Variants in TRAPPC10 observed in about 807,000 individuals in gnomAD.
TRAPPC10 encodes TRAPP 130 kDa subunit.
A neutral mutation model predicts 125.5 loss-of-function variants in TRAPPC10; 23 were observed. The ratio of observed to expected loss-of-function variants is 0.18; its 90% CI spans 0.13 to 0.26. The LOEUF (loss-of-function observed/expected upper bound fraction) is 0.26, where lower values mean the gene tolerates loss of function less well. Among genes scored for constraint, TRAPPC10 ranks in the 10% least tolerant of loss-of-function variants. The pLI, the probability that TRAPPC10 is intolerant of heterozygous loss-of-function variation, is 1.00. For synonymous variants in TRAPPC10, 509 were observed against 518.0 expected (o/e 0.98, Z 0.24); for missense variants, 1,123 against 1,308.4 (o/e 0.86, Z 2.19).
chr21:44,068,680 AGCCTCC>A (rs2036632211), intron 7 of TRAPPC10, among the ~76,000 whole-genome samples: 1 of 152,048 alleles, frequency 6.6e-6, no homozygotes, highest in Non-Finnish European at 1.5e-5. Flanking sequence ...GGCTCATTGT[AGCCTCC>A]GCCTCCAGGG....
At chr21:44,055,473 C>T (rs2035515312) in intron 4 of TRAPPC10, among the ~76,000 whole-genome samples, 2 of 151,890 alleles carry the variant, frequency 1.3e-5, no homozygotes, top group African/African-American at 4.8e-5. Context: ...TGCCTGTGAT[C>T]CCAGCTACTG....
rs117319046 is a variant in TRAPPC10, at chr21:44,059,701, C to G, written c.790+487C>G. On this transcript the variant is annotated intron_variant, in intron 6 of 22. Coordinates refer to ENST00000291574, the MANE Select transcript of TRAPPC10 (RefSeq NM_003274.5). This position sits in a 1 kb window ranked among gnomAD's most constrained non-coding sequence, Gnocchi z 4.4. ...AGAATTAGCACAGTGAAACCATACACAGAGAGAAACATTGGTTATTGTCCT... is the reference window on the plus strand; with the variant it reads ...AGAATTAGCACAGTGAAACCATACAGAGAGAGAAACATTGGTTATTGTCCT... 1.8e-5 allele frequency: 9 copies of G among 510,330 alleles called. No individual in the cohort carries two copies. Among genetic ancestry groups the G allele is most frequent in the Non-Finnish European group, 3.1e-5 (9 of 286,390 alleles). 31.6% of individuals were successfully genotyped at this position (510,330 alleles called of 1,614,324 possible).
Position 44,083,213 on chromosome 21 carries a change from G to C in TRAPPC10, c.2149G>C (p.Gly717Arg). Residue 717 changes from glycine to arginine, a missense_variant, in exon 14 of 23, where the codon GGG becomes CGG. Around this residue, in one of 4 missense-constraint regions of TRAPPC10, gnomAD observed 840 missense variants for 902.0 expected, o/e 0.93. Transcript: ENST00000291574. ...CAGCTCCTCTCTAGAGATGCCCTCA[G>C]GGGTGGCTCTGGAGGAGGGTGCCCA... is the stretch of plus-strand genomic sequence containing the variant. ...ESSSSLEMPSGVALEEGAHVL... is the reference protein window; with the variant it reads ...ESSSSLEMPSRVALEEGAHVL... The C allele has an allele frequency of 6.2e-7, 1 of 1,614,164 alleles. No homozygotes were observed. The highest frequency in any genetic ancestry group is 8.5e-7 in the Non-Finnish European group (1 of 1,180,010).
intron 2 of TRAPPC10, among the ~76,000 whole-genome samples, chr21:44,034,166 AGAG>A (rs2033804178): frequency 6.6e-6 from 1 of 152,156 alleles, no homozygotes; most frequent in East Asian, 1.9e-4. Flanking sequence ...TGGCTCCATA[AGAG>A]GAGGGGAATT....
At position 44,012,570 on chromosome 21, in the gene TRAPPC10, C is replaced by G; in HGVS notation, c.67+10C>G. 1 of 1,532,874 alleles carries G rather than the reference C, an allele frequency of 6.5e-7. No homozygotes were observed. The highest frequency in any genetic ancestry group is 1.2e-5 in the South Asian group (1 of 83,262). The allele number at this position is 1,532,874 out of a possible 1,614,324, so 95.0% of individuals were successfully genotyped here. A position where few individuals can be genotyped will look rare whatever the true frequency, so the allele number is the denominator to read the frequency against. Reference sequence around the variant, plus strand: ...AAGCCCATCGTCACCTGTGAGTGCCCGGAGGCGGGGAGGGCGCGGCGGTCG... The same window carrying G: ...AAGCCCATCGTCACCTGTGAGTGCCGGGAGGCGGGGAGGGCGCGGCGGTCG... On this transcript the variant is annotated intron_variant, in intron 1 of 22. Coordinates refer to ENST00000291574, the MANE Select transcript of TRAPPC10 (RefSeq NM_003274.5).
intron 1 of TRAPPC10, among the ~76,000 whole-genome samples, chr21:44,016,877 C>T (rs973847757): frequency 6.6e-6 from 1 of 152,120 alleles, no homozygotes; most frequent in African/African-American, 2.4e-5. Context: ...CCAGGATGGT[C>T]TTGATCTGAC....
At position 44,063,632 on chromosome 21, in the gene TRAPPC10, G is replaced by A. The variant is rs778702015; in HGVS notation, c.885G>A (p.Ser295=). 5.0e-6 allele frequency: 8 copies of A among 1,614,188 alleles called. No homozygotes were observed. Among genetic ancestry groups the A allele is most frequent in the Non-Finnish European group, 6.8e-6 (8 of 1,180,034 alleles). Reference sequence around the variant, plus strand: ...CCATAGATATGGAGAAGCGGGAATCGATCCAGAGGCGAGAAGCCACCCTGT... The same window carrying A: ...CCATAGATATGGAGAAGCGGGAATCAATCCAGAGGCGAGAAGCCACCCTGT... ...RKPIDMEKRE[S]IQRREATLLD... Residue 295 remains serine, a synonymous_variant, in exon 7 of 23, where the codon TCG becomes TCA. Coordinates refer to ENST00000291574, the MANE Select transcript of TRAPPC10 (RefSeq NM_003274.5). The surrounding 1 kb of genome is among the most constrained non-coding windows in gnomAD (Gnocchi z 4.4).
intron 7 of TRAPPC10, among the ~76,000 whole-genome samples, chr21:44,073,982 T>A (rs543728132): frequency 4.2e-5 from 6 of 143,872 alleles, no homozygotes; most frequent in African/African-American, 1.4e-4. Context: ...TTTCCTTTTT[T>A]TAAAAAAAAA....
chr21:44,066,689 A>T (rs1345040170), intron 7 of TRAPPC10, among the ~76,000 whole-genome samples: 1 of 152,154 alleles, frequency 6.6e-6, no homozygotes, highest in Non-Finnish European at 1.5e-5. Context: ...GATGAACTGC[A>T]GTTATTTCCT....
chr21:44,093,925 C>T, intron 19 of TRAPPC10, 138 bp from the exon 20 acceptor site: 2 of 821,100 alleles, frequency 2.4e-6, no homozygotes, highest in Non-Finnish European at 3.8e-6. Context: ...AAGCAGCATG[C>T]ATAGGCGTGC....
chr21:44,077,550 G>T (rs1257213268), intron 10 of TRAPPC10, 143 bp from the exon 11 acceptor site: 4 of 526,646 alleles, frequency 7.6e-6, no homozygotes, highest in Admixed American at 3.5e-5. Context: ...TCACCGCTGT[G>T]CTCCAGCCTG....
intron 13 of TRAPPC10, among the ~76,000 whole-genome samples, chr21:44,081,237 T>C (rs1478507927): frequency 6.6e-6 from 1 of 152,022 alleles, no homozygotes; most frequent in Non-Finnish European, 1.5e-5. Flanking sequence ...TGTAGCCCAC[T>C]GCAACCTCTG....
Position 44,052,434 on chromosome 21 carries a change from T to C in TRAPPC10, c.440T>C (p.Val147Ala). The C allele has an allele frequency of 2.5e-6, 4 of 1,604,856 alleles. No homozygotes were observed. The highest frequency in any genetic ancestry group is 3.4e-6 in the Non-Finnish European group (4 of 1,177,834). ...AACATCCTTCCCCGAACCTCTATTGTGGACAAAATAAGAAATGATTTTTGT... is the reference window on the plus strand; with the variant it reads ...AACATCCTTCCCCGAACCTCTATTGCGGACAAAATAAGAAATGATTTTTGT... The part of the protein sequence containing the change: ...KTNILPRTSI[V>A]DKIRNDFCNK... Residue 147 changes from valine (V) to alanine (A), a missense_variant, in exon 4 of 23, where the codon GTG (valine) becomes GCG (alanine). By Grantham distance (64) the Val-to-Ala change is moderately conservative (BLOSUM62 0). Coordinates refer to ENST00000291574, the MANE Select transcript of TRAPPC10 (RefSeq NM_003274.5).
intron 2 of TRAPPC10, among the ~76,000 whole-genome samples, chr21:44,037,423 A>G (rs2034072985): frequency 6.6e-6 from 1 of 152,206 alleles, no homozygotes; most frequent in African/African-American, 2.4e-5. Flanking sequence ...TTAAAACTGC[A>G]CTTTGGACAT....
chr21:44,014,616 A>T (rs1318496432), intron 1 of TRAPPC10, among the ~76,000 whole-genome samples: 1 of 144,678 alleles, frequency 6.9e-6, no homozygotes. Context: ...TTCAGTAGAG[A>T]CAGAGTTTCA....
At chr21:44,055,954 C>A in intron 5 of TRAPPC10, 61 bp downstream of exon 5, 1 of 1,382,610 alleles carries the variant, frequency 7.2e-7, no homozygotes, top group South Asian at 1.6e-5. Context: ...TGTTCCCTCC[C>A]TCTCTCCTCC....
At chr21:44,069,787 G>A (rs903454679) in intron 7 of TRAPPC10, among the ~76,000 whole-genome samples, 10 of 152,196 alleles carry the variant, frequency 6.6e-5, no homozygotes, top group South Asian at 2.1e-4. Flanking sequence ...ACGTTGCACC[G>A]TGGCCCTGTA....
chr21:44,077,767 T>A lies in TRAPPC10; in HGVS notation c.1452T>A (p.Asp484Glu). 1.2e-6 allele frequency: 2 copies of A among 1,611,182 alleles called. No individual in the cohort carries two copies. The highest frequency in any genetic ancestry group is 1.7e-6 in the Non-Finnish European group (2 of 1,177,870). ...RIRSAKFVGKDLAEFYMRKKA... is the reference protein window; with the variant it reads ...RIRSAKFVGKELAEFYMRKKA... Reference sequence around the variant, plus strand: ...GATCTGCTAAGTTTGTTGGAAAAGATCTGGCAGAGTTTTACATGTAATTGA... The same window carrying A: ...GATCTGCTAAGTTTGTTGGAAAAGAACTGGCAGAGTTTTACATGTAATTGA... The change falls in exon 11 of 23, where the codon GAT (aspartate) becomes GAA (glutamate). Residue 484 changes from aspartate to glutamate, a missense_variant. Asp to Glu is a conservative substitution (Grantham distance 45). Coordinates refer to ENST00000291574, the MANE Select transcript of TRAPPC10 (RefSeq NM_003274.5).
chr21:44,013,978 G>A (rs1363984327), intron 1 of TRAPPC10, among the ~76,000 whole-genome samples: 1 of 152,220 alleles, frequency 6.6e-6, no homozygotes. Context: ...ATGAAGCCAT[G>A]CGCAGTTCAT....
Sources: gnomAD v4.1 joint callset for allele counts (sites outside exome capture counted in the v4.1 genomes callset) on GRCh38, gnomAD v4.1.1 for gene constraint, gnomAD v4.1.1 regional missense constraint, Gnocchi (gnomAD v3.1) non-coding constraint, MANE v1.5 for transcripts, NCBI Gene and HGNC (gene_info 2026-07-23, HGNC 2026-07-21) for gene names.